The following MARCHF3 variants were observed in gnomAD, a reference collection of about 807,000 sequenced individuals.
The protein encoded by MARCHF3 is membrane associated ring-CH-type finger 3.
A neutral mutation model predicts 24.2 loss-of-function variants in MARCHF3; 13 were observed. The ratio of observed to expected loss-of-function variants is 0.54; its 90% CI spans 0.35 to 0.85. MARCHF3 has a LOEUF of 0.85. Among genes scored for constraint, MARCHF3 ranks in the 40% least tolerant of loss-of-function variants. MARCHF3 has a pLI of 0.01. For synonymous variants in MARCHF3, 144 were observed against 137.3 expected (o/e 1.05, Z -0.34); for missense variants, 276 against 325.0 (o/e 0.85, Z 1.16).
In MARCHF3 at chr5:126,948,379, C is replaced by A. The variant is rs1750100263; in HGVS notation, c.-56-30152G>T. Among the ~76,000 whole-genome samples the A allele has an allele frequency of 1.3e-5, 2 of 152,186 alleles. 1 individual carries two copies. Among genetic ancestry groups the A allele is most frequent in the South Asian group, 4.1e-4 (2 of 4,826 alleles). On this transcript the variant is annotated intron_variant, in intron 1 of 4. Coordinates refer to ENST00000308660, the MANE Select transcript of MARCHF3 (RefSeq NM_178450.5). ...AAACTCTGCAAATACGTAGCCCTCC[C>A]AGTTCAAACTCGTGTTATTCAAGGG...
intron 4 of MARCHF3, among the ~76,000 whole-genome samples, chr5:126,874,414 C>T (rs1257101272): frequency 6.6e-6 from 1 of 152,078 alleles, no homozygotes; most frequent in Non-Finnish European, 1.5e-5. Context: ...TGGAGAAACC[C>T]CGTCTCTACT....
intron 1 of MARCHF3, among the ~76,000 whole-genome samples, chr5:126,990,771 T>C (rs1378098373): frequency 6.6e-6 from 1 of 152,164 alleles, no homozygotes; most frequent in Non-Finnish European, 1.5e-5. Context: ...AGAAGACATC[T>C]ATGCAGCCAA....
In MARCHF3 at chr5:126,878,321, G is replaced by T; in HGVS notation, c.467C>A (p.Thr156Asn). The change falls in exon 4 of 5, where the codon ACT becomes AAT. Residue 156 changes from threonine to asparagine, a missense_variant. Physicochemically the swap from Thr to Asn is moderately conservative, Grantham distance 65. Coordinates refer to ENST00000308660, the MANE Select transcript of MARCHF3 (RefSeq NM_178450.5). ...FGDMVCFLFI[T>N]PLATISGWLC... ...CCAGCCCGAGATGGTGGCCAGGGGA[G>T]TTATAAACAAGAAGCACACCATGTC... is the stretch of plus-strand genomic sequence containing the variant. 6.2e-7 allele frequency: 1 copy of T among 1,614,242 alleles called. No homozygotes were observed. Among genetic ancestry groups the T allele is most frequent in the Non-Finnish European group, 8.5e-7 (1 of 1,180,040 alleles).
chr5:126,911,354 G>A (rs907813821), intron 3 of MARCHF3, among the ~76,000 whole-genome samples: 4 of 151,978 alleles, frequency 2.6e-5, no homozygotes, highest in Admixed American at 6.6e-5. Flanking sequence ...AGAACCTGCC[G>A]ACATGTGATG....
intron 3 of MARCHF3, among the ~76,000 whole-genome samples, chr5:126,908,894 G>A (rs1398856273): frequency 1.3e-5 from 2 of 152,160 alleles, no homozygotes; most frequent in Non-Finnish European, 2.9e-5. Flanking sequence ...GAGGAGAGGT[G>A]CTCTGCTTTT....
At chr5:126,989,142 C>A (rs1214865760) in intron 1 of MARCHF3, among the ~76,000 whole-genome samples, 2 of 151,916 alleles carry the variant, frequency 1.3e-5, no homozygotes, top group Non-Finnish European at 2.9e-5. Context: ...AGCAGAGTAT[C>A]CTCGTGCACA....
intron 3 of MARCHF3, among the ~76,000 whole-genome samples, chr5:126,901,790 C>G (rs1754114035): frequency 6.6e-6 from 1 of 152,102 alleles, no homozygotes; most frequent in African/African-American, 2.4e-5. Flanking sequence ...TTGTACCCAA[C>G]ACAGGGCAAT....
chr5:126,918,500 T>C (rs775783692), intron 1 of MARCHF3, among the ~76,000 whole-genome samples: 7 of 152,184 alleles, frequency 4.6e-5, no homozygotes, highest in Non-Finnish European at 1.0e-4. Flanking sequence ...GGGGACAGAA[T>C]GATGACTCTG....
At chr5:126,977,876 T>C (rs1751256964) in intron 1 of MARCHF3, among the ~76,000 whole-genome samples, 1 of 152,188 alleles carries the variant, frequency 6.6e-6, no homozygotes, top group Non-Finnish European at 1.5e-5. Context: ...ACAAAGACAT[T>C]TGTGATTAGG....
chr5:126,924,407 G>A (rs531970674), intron 1 of MARCHF3, among the ~76,000 whole-genome samples: 1 of 152,140 alleles, frequency 6.6e-6, no homozygotes, highest in East Asian at 1.9e-4. Flanking sequence ...TGACTGAAAC[G>A]GGAAAAAAAA....
intron 1 of MARCHF3, among the ~76,000 whole-genome samples, chr5:126,970,645 T>A (rs144096857): frequency 6.6e-6 from 1 of 152,176 alleles, no homozygotes; most frequent in East Asian, 1.9e-4. Context: ...AAGCCAAAGT[T>A]AAATTCTGAT....
At chr5:127,004,522 T>C (rs969679087) in intron 1 of MARCHF3, among the ~76,000 whole-genome samples, 1 of 151,176 alleles carries the variant, frequency 6.6e-6, no homozygotes, top group Non-Finnish European at 1.5e-5. Flanking sequence ...CCTCATTACA[T>C]AGGTTCAGCC....
intron 1 of MARCHF3, among the ~76,000 whole-genome samples, chr5:126,934,381 G>A (rs565836023): frequency 2.6e-4 from 40 of 151,822 alleles, no homozygotes; most frequent in African/African-American, 8.9e-4. Flanking sequence ...TCTTCTATCT[G>A]ACTTAACTTC....
rs1487488957 is a variant in MARCHF3 at position 126,895,405 on chromosome 5, A to G, written c.394-17011T>C. Among the ~76,000 whole-genome samples the G allele has an allele frequency of 5.9e-5, 9 of 151,954 alleles. 1 individual carries two copies. Among genetic ancestry groups the G allele is most frequent in the Admixed American group, 5.2e-4 (8 of 15,260 alleles). ...GGCGCTCTGCTTTTTTAGAGTTTCC[A>G]GTTTTTCTGTTCTGTTTTTTTCCCC... On this transcript the variant is annotated intron_variant, in intron 3 of 4. Transcript: ENST00000308660.
chr5:126,968,321 C>G (rs1750885917), intron 1 of MARCHF3, among the ~76,000 whole-genome samples: 1 of 152,150 alleles, frequency 6.6e-6, no homozygotes, highest in Admixed American at 6.5e-5. Context: ...AAACTATTTC[C>G]CAAAGTGGCC....
chr5:126,977,468 C>T (rs980474056), intron 1 of MARCHF3, among the ~76,000 whole-genome samples: 1 of 152,210 alleles, frequency 6.6e-6, no homozygotes, highest in African/African-American at 2.4e-5. Flanking sequence ...CCACCTTAAG[C>T]CCTTCCTAAA....
chr5:126,891,285 T>G (rs2126775647), intron 3 of MARCHF3, among the ~76,000 whole-genome samples: 2 of 150,126 alleles, frequency 1.3e-5, no homozygotes, highest in Admixed American at 6.6e-5. Context: ...AGAAGCTCTT[T>G]AGTTTAATTA....
chr5:126,972,791 T>C (rs1751060979), intron 1 of MARCHF3, among the ~76,000 whole-genome samples: 1 of 152,202 alleles, frequency 6.6e-6, no homozygotes, highest in African/African-American at 2.4e-5. Flanking sequence ...AGACCCTGGA[T>C]GTTGAAACAG....
chr5:126,963,702 A>G (rs894475807), intron 1 of MARCHF3, among the ~76,000 whole-genome samples: 5 of 152,212 alleles, frequency 3.3e-5, no homozygotes, highest in Non-Finnish European at 5.9e-5. Flanking sequence ...TGGGTTTTTA[A>G]GCAGCTGAAA....
Sources: gnomAD v4.1 joint callset for allele counts (sites outside exome capture counted in the v4.1 genomes callset) on GRCh38, gnomAD v4.1.1 for gene constraint, MANE v1.5 for transcripts, NCBI Gene and HGNC (gene_info 2026-07-23, HGNC 2026-07-21) for gene names.